The following NME9 variants were observed in gnomAD, a reference collection of about 807,000 sequenced individuals.
The protein encoded by NME9 is NME/NM23 family member 9, also known as thioredoxin domain-containing protein 6.
NME9 carries 48 observed loss-of-function variants against 44.4 expected under a neutral mutation model. The observed-to-expected ratio is 1.08, with a 90% CI of 0.86 to 1.37. The LOEUF (loss-of-function observed/expected upper bound fraction) is 1.37. Ranked by LOEUF, NME9 falls within the 40% of genes most tolerant of loss-of-function variation. The pLI, the probability that NME9 is intolerant of heterozygous loss-of-function variation, is 0.00. For missense variants in NME9, 325 were observed against 405.2 expected (o/e 0.80, Z 1.70); for synonymous variants, 139 against 147.1 (o/e 0.94, Z 0.40).
chr3:138,269,820 CTTTTTTTTTTT>C (rs77095833), intron 8 of NME9, among the ~76,000 whole-genome samples: 2 of 121,670 alleles, frequency 1.6e-5, no homozygotes, highest in East Asian at 4.9e-4. Context: ...TGTTTTCTTT[CTTTTTTTTTTT>C]TTTTTTTGGC....
intron 9 of NME9, among the ~76,000 whole-genome samples, chr3:138,304,593 G>A (rs2052093157): frequency 6.6e-6 from 1 of 152,156 alleles, no homozygotes; most frequent in South Asian, 2.1e-4. Flanking sequence ...GAATCCTCTG[G>A]CCGAAAAGAG....
At chr3:138,261,888 A>G (rs1247274895) in exon 9 of NME9, 1 of 152,250 alleles carries the variant, frequency 6.6e-6, no homozygotes, top group Non-Finnish European at 1.5e-5. Context: ...CAAGGTCCCT[A>G]CGAAGATGAG....
At chr3:138,264,284 C>T (rs2048037011) in intron 8 of NME9, 2 of 1,170,480 alleles carry the variant, frequency 1.7e-6, no homozygotes, top group Middle Eastern at 2.0e-4. Context: ...GCTAACACTA[C>T]TCCCTGGTCT....
At chr3:138,316,054 G>A (rs1318577958) in intron 4 of NME9, among the ~76,000 whole-genome samples, 3 of 152,022 alleles carry the variant, frequency 2.0e-5, no homozygotes, top group African/African-American at 4.8e-5. Flanking sequence ...GGATGGTCTC[G>A]ATCTCCTGAC....
downstream of NME9, among the ~76,000 whole-genome samples, chr3:138,300,467 CCTT>C (rs1354049740): frequency 6.6e-6 from 1 of 152,154 alleles, no homozygotes; most frequent in African/African-American, 2.4e-5. Flanking sequence ...TAGAAAATGG[CCTT>C]CTCCTCAGAT....
intron 10 of NME9, among the ~76,000 whole-genome samples, chr3:138,302,273 G>T (rs1028941004): frequency 3.3e-5 from 5 of 152,178 alleles, no homozygotes; most frequent in African/African-American, 1.2e-4. Context: ...CTTATTCCCA[G>T]GATGTGGTCT....
chr3:138,305,068 G>T (rs895137622), intron 8 of NME9, 41 bp from the exon 9 acceptor site: 3 of 1,582,932 alleles, frequency 1.9e-6, no homozygotes, highest in African/African-American at 2.7e-5. Context: ...GGCAGGAGCT[G>T]CTAGGGCCTG....
At chr3:138,304,589 T>C (rs1171514238) in intron 9 of NME9, among the ~76,000 whole-genome samples, 1 of 152,124 alleles carries the variant, frequency 6.6e-6, no homozygotes, top group Non-Finnish European at 1.5e-5. Context: ...TGTGGAATCC[T>C]CTGGCCGAAA....
chr3:138,265,883 G>A (rs2048232673), intron 8 of NME9, among the ~76,000 whole-genome samples: 1 of 152,116 alleles, frequency 6.6e-6, no homozygotes, highest in African/African-American at 2.4e-5. Flanking sequence ...TTGAGGTCCT[G>A]GAATAAAGCA....
Position 138,274,233 on chromosome 3 carries a change from A to ATGTGTG in NME9, c.746-11653_746-11648dup, listed in dbSNP as rs142329302. Among the ~76,000 whole-genome samples, 913 of 142,338 alleles carry ATGTGTG rather than the reference A, an allele frequency of 6.4e-3. 7 individuals carry two copies. Among genetic ancestry groups the ATGTGTG allele is most frequent in the African/African-American group, 0.024 (850 of 35,650 alleles). The allele number at this position is 142,338 out of a possible 152,430, so 93.4% of individuals were successfully genotyped here. A position where few individuals can be genotyped will look rare whatever the true frequency, so the allele number is the denominator to read the frequency against. On this transcript the variant is annotated intron_variant, in intron 8 of 8. Coordinates refer to the NME9 transcript ENST00000317876. ...GTATGTATGTGTAATGTGTATATAC[A>ATGTGTG]TGTGTGTGTGTGTGTGTGTGTGTGT...
chr3:138,273,972 A>G lies in NME9; in HGVS notation c.746-11386T>C, dbSNP rs141578586. On this transcript the variant is annotated intron_variant, in intron 8 of 8. Transcript: ENST00000317876. ...GCTGGGATTACAGGCGTGTACCACCATGCCCAGCTAATTTTTTGTATTTGT... is the reference window on the plus strand; with the variant it reads ...GCTGGGATTACAGGCGTGTACCACCGTGCCCAGCTAATTTTTTGTATTTGT... Among the ~76,000 whole-genome samples the G allele has an allele frequency of 9.2e-3, 1,396 of 152,062 alleles. 16 individuals are homozygous for G. Among genetic ancestry groups the G allele is most frequent in the African/African-American group, 0.032 (1,310 of 41,484 alleles).
At chr3:138,325,398 C>CTTTTTTTTT (rs58680542) in intron 1 of NME9, among the ~76,000 whole-genome samples, 1 of 140,388 alleles carries the variant, frequency 7.1e-6, no homozygotes, top group African/African-American at 2.6e-5. Flanking sequence ...GTAAAAATTT[C>CTTTTTTTTT]TTTTTTTTTT....
Position 138,303,505 on chromosome 3 carries a change from A to T in NME9, c.928+2T>A. 2 of 1,612,088 alleles carry T rather than the reference A, an allele frequency of 1.2e-6. No homozygotes were observed. The highest frequency in any genetic ancestry group is 1.7e-6 in the Non-Finnish European group (2 of 1,178,186). On this transcript the variant is annotated splice_donor_variant, in intron 10 of 10. Coordinates refer to ENST00000333911, the MANE Select transcript of NME9 (RefSeq NM_001349018.2). LOFTEE classifies it high-confidence loss of function. ...AAGACCAAGTCTGCCTTGATGACTT[A>T]CCCTGAGGGGCTTCTGTATCTTTGT...
intron 9 of NME9, among the ~76,000 whole-genome samples, chr3:138,303,977 AC>A (rs1457138356): frequency 6.6e-6 from 1 of 152,182 alleles, no homozygotes; most frequent in Non-Finnish European, 1.5e-5. Context: ...CGATATTACT[AC>A]CAAAGGCTAG....
downstream of NME9, among the ~76,000 whole-genome samples, chr3:138,298,827 TCTC>T (rs1272377389): frequency 6.6e-6 from 1 of 152,112 alleles, no homozygotes; most frequent in African/African-American, 2.4e-5. Flanking sequence ...TGTAGGCACA[TCTC>T]CTATCTCAAG....
chr3:138,329,556 G>C lies in NME9; in HGVS notation c.-221C>G, dbSNP rs1476416658. On this transcript the variant is annotated 5_prime_UTR_variant, in exon 1 of 11. Coordinates refer to ENST00000333911, the MANE Select transcript of NME9 (RefSeq NM_001349018.2). The stretch of plus-strand genomic sequence containing the variant: ...GAGGAAGCGGAGCCTGCAGTCCACG[G>C]GCTCGTGGCTCGCCGGGCGGTTTTC... 50 of 1,327,832 alleles carry C rather than the reference G, an allele frequency of 3.8e-5. No individual in the cohort carries two copies. The highest frequency in any genetic ancestry group is 4.6e-5 in the Non-Finnish European group (48 of 1,042,198). 82.3% of individuals were successfully genotyped at this position (1,327,832 alleles called of 1,614,324 possible).
At chr3:138,274,444 T>C (rs1332889846) in intron 8 of NME9, 1 of 1,567,302 alleles carries the variant, frequency 6.4e-7, no homozygotes. Flanking sequence ...CCCATTGTTT[T>C]ACAGCATATA....
chr3:138,318,843 A>G (rs1043040341), intron 3 of NME9, among the ~76,000 whole-genome samples: 1 of 152,128 alleles, frequency 6.6e-6, no homozygotes, highest in African/African-American at 2.4e-5. Flanking sequence ...GGTGCAGAGG[A>G]TGGAAATCTT....
At position 138,329,350 on chromosome 3, in the gene NME9, GA is replaced by G; in HGVS notation, c.-16del. On this transcript the variant is annotated 5_prime_UTR_variant, in exon 1 of 11. Transcript: ENST00000333911. ...CTGCTGCCCATGGCTCTGCAAAGAA[GA>G]CGAAGCCCTGTTACCGCGGCCGTGG... The G allele has an allele frequency of 1.3e-6, 2 of 1,536,046 alleles. No homozygotes were observed. The highest frequency in any genetic ancestry group is 1.7e-6 in the Non-Finnish European group (2 of 1,146,858).
Sources: gnomAD v4.1 joint callset for allele counts (sites outside exome capture counted in the v4.1 genomes callset) on GRCh38, gnomAD v4.1.1 for gene constraint, MANE v1.5 for transcripts, NCBI Gene and HGNC (gene_info 2026-07-23, HGNC 2026-07-21) for gene names.